The following ZMYND8 variants were observed in gnomAD, a reference collection of about 807,000 sequenced individuals.
The protein encoded by ZMYND8 is zinc finger MYND-type containing 8, also known as MYND-type zinc finger-containing chromatin reader ZMYND8.
A neutral mutation model predicts 140.8 loss-of-function variants in ZMYND8; 37 were observed. That is an observed-to-expected ratio of 0.26 (90% CI 0.20 to 0.35). The LOEUF (loss-of-function observed/expected upper bound fraction) is 0.35, where lower values mean the gene tolerates loss of function less well. ZMYND8 is among the 10% of genes least tolerant of loss of function. The probability of loss-of-function intolerance (pLI) is 1.00; values close to 1 mark genes in which losing one functional copy is unlikely to be tolerated. For synonymous variants in ZMYND8, 592 were observed against 597.1 expected, an observed-to-expected ratio of 0.99 and a Z score of 0.12; for missense variants, 1,068 against 1,570.0, an observed-to-expected ratio of 0.68 and a Z score of 5.40.
At chr20:47,282,292 G>T in intron 9 of ZMYND8, 75 bp from the exon 10 acceptor site, 1 of 1,282,472 alleles carries the variant, frequency 7.8e-7, no homozygotes, top group Non-Finnish European at 1.1e-6. Flanking sequence ...TGGTATGTGA[G>T]GATGAAGCAG....
intron 17 of ZMYND8, among the ~76,000 whole-genome samples, chr20:47,227,721 AGT>A (rs1382721400): frequency 6.6e-6 from 1 of 152,216 alleles, no homozygotes; most frequent in East Asian, 1.9e-4. Flanking sequence ...GGGCAGAGGA[AGT>A]GTAACTTTGG....
At chr20:47,310,429 T>C (rs145199694) in intron 2 of ZMYND8, among the ~76,000 whole-genome samples, 31 of 152,256 alleles carry the variant, frequency 2.0e-4, no homozygotes, top group African/African-American at 7.5e-4. Flanking sequence ...TTTTGTAAAA[T>C]CTTAACTTGT....
intron 2 of ZMYND8, among the ~76,000 whole-genome samples, chr20:47,332,321 TAA>T (rs1205573524): frequency 6.6e-6 from 1 of 150,808 alleles, no homozygotes; most frequent in Non-Finnish European, 1.5e-5. Context: ...AAAAAAAAAA[TAA>T]GTTTGGCTTT....
intron 11 of ZMYND8, among the ~76,000 whole-genome samples, chr20:47,275,649 C>T (rs1601520869): frequency 1.3e-5 from 2 of 152,194 alleles, no homozygotes; most frequent in South Asian, 4.2e-4. Flanking sequence ...TTTGCCCAGG[C>T]TGGAATACAA....
chr20:47,301,155 CTTT>C (rs74178720), intron 3 of ZMYND8, among the ~76,000 whole-genome samples: 16 of 133,408 alleles, frequency 1.2e-4, no homozygotes, highest in Admixed American at 1.5e-4. Flanking sequence ...TTGCATAATT[CTTT>C]TTTTTTTTTT....
chr20:47,260,376 C>T (rs567606318), intron 12 of ZMYND8, among the ~76,000 whole-genome samples: 1 of 152,268 alleles, frequency 6.6e-6, no homozygotes, highest in East Asian at 1.9e-4. Context: ...GTCTACGAGG[C>T]CCCCGTACTG....
intron 14 of ZMYND8, among the ~76,000 whole-genome samples, chr20:47,244,823 G>A (rs144807375): frequency 5.6e-4 from 85 of 152,324 alleles, no homozygotes; most frequent in African/African-American, 1.8e-3. Context: ...TTAGGAGGCC[G>A]AGCTGGGTGG....
intron 9 of ZMYND8, among the ~76,000 whole-genome samples, chr20:47,283,346 T>A (rs764917194): frequency 1.2e-4 from 19 of 152,190 alleles, no homozygotes; most frequent in Non-Finnish European, 1.9e-4. Context: ...CCCAGGCTAA[T>A]CAACCCAGGA....
chr20:47,325,318 A>G (rs958739823), intron 2 of ZMYND8, among the ~76,000 whole-genome samples: 12 of 152,146 alleles, frequency 7.9e-5, no homozygotes, highest in Admixed American at 2.0e-4. Flanking sequence ...TCTTTGCTGT[A>G]GCCCAGTGCC....
chr20:47,302,255 A>G (rs937807155), intron 3 of ZMYND8, among the ~76,000 whole-genome samples: 1 of 152,154 alleles, frequency 6.6e-6, no homozygotes, highest in Non-Finnish European at 1.5e-5. Context: ...TGGGTGGATC[A>G]CCTGAGATCA....
intron 12 of ZMYND8, among the ~76,000 whole-genome samples, chr20:47,259,376 A>T (rs2074991195): frequency 6.6e-6 from 1 of 152,136 alleles, no homozygotes; most frequent in Admixed American, 6.5e-5. Flanking sequence ...TCAGGGCTGT[A>T]CTCACAGGTG....
At chr20:47,351,543 G>A (rs1176185308) in intron 1 of ZMYND8, among the ~76,000 whole-genome samples, 1 of 152,100 alleles carries the variant, frequency 6.6e-6, no homozygotes, top group East Asian at 1.9e-4. Flanking sequence ...AAATGGTCCA[G>A]GCTGTAAGAA....
intron 14 of ZMYND8, among the ~76,000 whole-genome samples, chr20:47,239,645 C>CA (rs2039698215): frequency 6.6e-6 from 1 of 152,198 alleles, no homozygotes; most frequent in African/African-American, 2.4e-5. Context: ...CAGTAACACT[C>CA]AGTCACCCAG....
intron 12 of ZMYND8, among the ~76,000 whole-genome samples, chr20:47,259,093 C>T (rs975640447): frequency 1.3e-5 from 2 of 151,984 alleles, no homozygotes; most frequent in African/African-American, 2.4e-5. Context: ...CCCACAGTGT[C>T]ACGAGGAAGC....
At chr20:47,288,450 G>A (rs2147938969) in intron 7 of ZMYND8, among the ~76,000 whole-genome samples, 1 of 147,388 alleles carries the variant, frequency 6.8e-6, no homozygotes, top group South Asian at 2.1e-4. Context: ...TGGAGTGCAG[G>A]GGCGCAGATC....
chr20:47,225,608 G>GAGGGGAATGA (rs2037606730), intron 18 of ZMYND8, among the ~76,000 whole-genome samples: 18 of 117,210 alleles, frequency 1.5e-4, no homozygotes, highest in East Asian at 2.9e-4. Flanking sequence ...GAGGGGATGG[G>GAGGGGAATGA]AGGGGAATGG....
Position 47,291,892 on chromosome 20 carries a change from TAAA to T in ZMYND8, c.568-7_568-5del. 1 of 1,610,324 alleles carries T rather than the reference TAAA, an allele frequency of 6.2e-7. No individual in the cohort carries two copies. Among genetic ancestry groups the T allele is most frequent in the Non-Finnish European group, 8.5e-7 (1 of 1,178,206 alleles). ...CGGGCTTCTGGAATGCATCTGTCTA[TAAA>T]AGAGAAGATATGCAGAGGAACGAAC... is the stretch of plus-strand genomic sequence containing the variant. On this transcript the variant is annotated splice_polypyrimidine_tract_variant and splice_region_variant and intron_variant, in intron 5 of 22. Transcript: ENST00000471951.
intron 2 of ZMYND8, among the ~76,000 whole-genome samples, chr20:47,343,718 A>G (rs1283807403): frequency 1.3e-5 from 2 of 152,192 alleles, no homozygotes; most frequent in Non-Finnish European, 2.9e-5. Context: ...GCTGGTCTCG[A>G]ACTCCTGGCC....
chr20:47,350,428 T>C (rs1374261335), intron 1 of ZMYND8, among the ~76,000 whole-genome samples: 1 of 151,808 alleles, frequency 6.6e-6, no homozygotes, highest in African/African-American at 2.4e-5. Flanking sequence ...ACTTCCTTTT[T>C]CCTACACCAC....
Sources: gnomAD v4.1 joint callset for allele counts (sites outside exome capture counted in the v4.1 genomes callset) on GRCh38, gnomAD v4.1.1 for gene constraint, MANE v1.5 for transcripts, NCBI Gene and HGNC (gene_info 2026-07-23, HGNC 2026-07-21) for gene names.